Variants in PCDHGA1 observed in about 807,000 individuals in gnomAD.
PCDHGA1 encodes the protein protocadherin gamma-A1.
Under a neutral mutation model 58.0 loss-of-function variants are expected in PCDHGA1, and 32 were observed. The observed-to-expected ratio is 0.55, with a 90% CI of 0.42 to 0.74. The LOEUF is 0.74. PCDHGA1 is among the 30% of genes least tolerant of loss of function. The pLI is 0.00. For missense variants in PCDHGA1, 1,205 were observed against 1,182.3 expected, an observed-to-expected ratio of 1.02 and a Z score of -0.28; for synonymous variants, 498 against 501.1, an observed-to-expected ratio of 0.99 and a Z score of 0.08.
chr5:141,341,801 A>G (rs1757089367), intron 1 of PCDHGA1: 1 of 290,620 alleles, frequency 3.4e-6, no homozygotes, highest in South Asian at 6.1e-5. Flanking sequence ...TATGACTCTT[A>G]CTCTATATTT....
At chr5:141,433,847 A>AAAAAAAC (rs1296633381) in intron 1 of PCDHGA1, among the ~76,000 whole-genome samples, 1 of 151,976 alleles carries the variant, frequency 6.6e-6, no homozygotes, top group Non-Finnish European at 1.5e-5. Flanking sequence ...CAAAAAAAAA[A>AAAAAAAC]AAAAAAAACT....
At chr5:141,478,039 G>A (rs764777183) in intron 1 of PCDHGA1, 29 of 1,613,978 alleles carry the variant, frequency 1.8e-5, no homozygotes, top group Non-Finnish European at 2.5e-5. Flanking sequence ...ATTCACCCAG[G>A]CAGACTCTCA....
chr5:141,371,809 C>T lies in PCDHGA1; in HGVS notation c.2421+38704C>T, dbSNP rs1768063576. The T allele has an allele frequency of 2.5e-6, 4 of 1,613,910 alleles. No homozygotes were observed. In the East Asian group the frequency reaches 6.7e-5, roughly 27 times the overall value. ...AACAATCCGCCTGGAGCCTCCATTG[C>T]GCATGTCAGAGCCTCGGATCCCGAC... is the stretch of plus-strand genomic sequence containing the variant. On this transcript the variant is annotated intron_variant, in intron 1 of 3. Transcript: ENST00000517417.
Position 141,407,403 on chromosome 5 carries a change from A to G in PCDHGA1, c.2421+74298A>G, listed in dbSNP as rs964260933. 2.0e-5 allele frequency among the ~76,000 whole-genome samples: 3 copies of G among 152,220 alleles called. No individual in the cohort carries two copies. In the East Asian group the frequency reaches 5.8e-4, roughly 29 times the overall value. Reference sequence around the variant, plus strand: ...TTGTATGTCATGGTAGGTAGTTACTATTCGATACCACAAAAATGTCTCTTG... The same window carrying G: ...TTGTATGTCATGGTAGGTAGTTACTGTTCGATACCACAAAAATGTCTCTTG... On this transcript the variant is annotated intron_variant, in intron 1 of 3. Transcript: ENST00000517417.
At position 141,489,264 on chromosome 5, in the gene PCDHGA1, G is replaced by T. The variant is rs1314393358; in HGVS notation, c.2422-5543G>T. 10 of 1,553,088 alleles carry T rather than the reference G, an allele frequency of 6.4e-6. No individual in the cohort carries two copies. Among genetic ancestry groups the T allele is most frequent in the Non-Finnish European group, 7.0e-6 (8 of 1,149,620 alleles). ...TCATGGGGCCCAAGACACTCCCACA[G>T]CTCGCTGGGAAATGGCAAGTGCTGT... On this transcript the variant is annotated intron_variant, in intron 1 of 3. Transcript: ENST00000517417. The surrounding 1 kb of genome is among the most constrained non-coding windows in gnomAD (Gnocchi z 4.5).
At chr5:141,415,502 A>C (rs1162629839) in intron 1 of PCDHGA1, 6 of 1,614,086 alleles carry the variant, frequency 3.7e-6, no homozygotes, top group Admixed American at 1.7e-5. Flanking sequence ...ATCTTCCCCC[A>C]GCCCAATTAT....
At chr5:141,480,033 C>T (rs370321166) in intron 1 of PCDHGA1, among the ~76,000 whole-genome samples, 1 of 152,106 alleles carries the variant, frequency 6.6e-6, no homozygotes, top group African/African-American at 2.4e-5. Flanking sequence ...AAGCCTCTTC[C>T]TCATATGCAA....
At chr5:141,405,355 A>G in intron 1 of PCDHGA1, 2 of 1,613,990 alleles carry the variant, frequency 1.2e-6, no homozygotes, top group South Asian at 1.1e-5. Flanking sequence ...AGTTTCCTAT[A>G]GAAGACACCC....
Position 141,493,404 on chromosome 5 carries a change from C to T in PCDHGA1, c.2422-1403C>T, listed in dbSNP as rs2099748048. Among the ~76,000 whole-genome samples, 1 of 152,148 alleles carries T rather than the reference C, an allele frequency of 6.6e-6. No individual in the cohort carries two copies. Among genetic ancestry groups the T allele is most frequent in the South Asian group, 2.1e-4 (1 of 4,826 alleles). ...CTTGAGGACAGGAGAGGGGAGTTGC[C>T]TCTGCTGGGATTTTGCTTCTGCTGG... On this transcript the variant is annotated intron_variant, in intron 1 of 3. Transcript: ENST00000517417. The surrounding 1 kb of genome is among the most constrained non-coding windows in gnomAD (Gnocchi z 4.3).
intron 2 of PCDHGA1, among the ~76,000 whole-genome samples, chr5:141,500,216 ATTT>A (rs979396489): frequency 3.1e-4 from 46 of 149,244 alleles, no homozygotes; most frequent in Non-Finnish European, 6.7e-4. Context: ...TTATTTATTT[ATTT>A]ATTTATTGAT....
intron 1 of PCDHGA1, among the ~76,000 whole-genome samples, chr5:141,470,360 T>G (rs1554150725): frequency 6.6e-6 from 1 of 152,142 alleles, no homozygotes; most frequent in Non-Finnish European, 1.5e-5. Context: ...ATAGACACAT[T>G]AGGTTGAATG....
chr5:141,450,887 C>A (rs531604055), intron 1 of PCDHGA1, among the ~76,000 whole-genome samples: 1 of 148,582 alleles, frequency 6.7e-6, no homozygotes, highest in East Asian at 2.0e-4. Flanking sequence ...TGCAGTGGTG[C>A]GATATCGGCT....
At chr5:141,372,433 C>T in intron 1 of PCDHGA1, 1 of 1,614,060 alleles carries the variant, frequency 6.2e-7, no homozygotes, top group Non-Finnish European at 8.5e-7. Flanking sequence ...GACCGCCCCA[C>T]TCCCTCTGAC....
At chr5:141,502,309 T>G (rs1395136136) in intron 2 of PCDHGA1, among the ~76,000 whole-genome samples, 2 of 152,196 alleles carry the variant, frequency 1.3e-5, no homozygotes, top group Admixed American at 6.5e-5. Flanking sequence ...TTTCCTCTCC[T>G]TTAATCTGGA....
intron 1 of PCDHGA1, chr5:141,339,145 A>C (rs774942690): frequency 1.2e-6 from 2 of 1,614,210 alleles, no homozygotes; most frequent in South Asian, 2.2e-5. Flanking sequence ...AGCCCCTGGC[A>C]CTGGCAGAGC....
chr5:141,381,817 T>TTTC (rs1262770842), intron 1 of PCDHGA1, among the ~76,000 whole-genome samples: 10 of 136,280 alleles, frequency 7.3e-5, no homozygotes, highest in East Asian at 4.1e-4. Context: ...TCTTTCTTTC[T>TTTC]TTCTTCTTCT....
At chr5:141,452,240 C>G (rs1365703172) in intron 1 of PCDHGA1, among the ~76,000 whole-genome samples, 1 of 152,084 alleles carries the variant, frequency 6.6e-6, no homozygotes, top group Non-Finnish European at 1.5e-5. Flanking sequence ...TTCTTGTGTC[C>G]TTTTGCCATA....
rs1270447529 is a variant in PCDHGA1 at position 141,490,526 on chromosome 5, C to A, written c.2422-4281C>A. 3 of 1,614,116 alleles carry A rather than the reference C, an allele frequency of 1.9e-6. No homozygotes were observed. Among genetic ancestry groups the A allele is most frequent in the Non-Finnish European group, 2.5e-6 (3 of 1,180,008 alleles). On this transcript the variant is annotated intron_variant, in intron 1 of 3. Transcript: ENST00000517417. This position sits in a 1 kb window ranked among gnomAD's most constrained non-coding sequence, Gnocchi z 5.4. ...ATCATCGAGCTGCTGGCCAGCGATG[C>A]TGGTTCACCTTCCCTACACAAACAT...
rs1221200737 is a variant in PCDHGA1, at chr5:141,364,170, T to G, written c.2421+31065T>G. 16 of 776,358 alleles carry G rather than the reference T, an allele frequency of 2.1e-5. No homozygotes were observed. The East Asian group carries it at 4.0e-4, about 19-fold the overall frequency. The allele number at this position is 776,358 out of a possible 1,614,324, so 48.1% of individuals were successfully genotyped here. A position where few individuals can be genotyped will look rare whatever the true frequency, so the allele number is the denominator to read the frequency against. The stretch of plus-strand genomic sequence containing the variant: ...GAAGCTGCCGCAGAGGCGACCCGAC[T>G]CTGCTCCCTCCATACTAAACACACA... On this transcript the variant is annotated intron_variant, in intron 1 of 3. Coordinates refer to ENST00000517417, the MANE Select transcript of PCDHGA1 (RefSeq NM_018912.3).
Sources: allele counts gnomAD v4.1 joint callset (sites outside exome capture counted in the v4.1 genomes callset), GRCh38; gene constraint gnomAD v4.1.1; non-coding constraint Gnocchi (gnomAD v3.1); transcripts MANE v1.5; gene names NCBI Gene and HGNC (gene_info 2026-07-23, HGNC 2026-07-21).